LYZL4: variants seen among roughly 807,000 people sequenced by gnomAD.
LYZL4 encodes lysozyme-like protein 4.
In LYZL4, 13 loss-of-function variants were observed where a neutral mutation model predicts 17.6. The ratio of observed to expected loss-of-function variants is 0.74; its 90% CI spans 0.48 to 1.18. LYZL4 has a LOEUF of 1.18. Among genes scored for constraint, LYZL4 ranks in the 50% most tolerant of loss-of-function variants. The probability of loss-of-function intolerance (pLI) is 0.00; values close to 1 mark genes in which losing one functional copy is unlikely to be tolerated. For synonymous variants in LYZL4, 64 were observed against 67.7 expected (o/e 0.95, Z 0.27); for missense variants, 174 against 188.2 (o/e 0.92, Z 0.44).
intron 4 of LYZL4, among the ~76,000 whole-genome samples, chr3:42,403,410 C>A (rs1577154811): frequency 6.6e-6 from 1 of 152,138 alleles, no homozygotes; most frequent in East Asian, 1.9e-4. Context: ...CAGGCACACA[C>A]CACCACACCC....
chr3:42,398,462 G>C (rs1468087835), intron 4 of LYZL4, among the ~76,000 whole-genome samples: 2 of 152,106 alleles, frequency 1.3e-5, no homozygotes, highest in Non-Finnish European at 2.9e-5. Flanking sequence ...TATATGAAAG[G>C]TATTTCAAAC....
At position 42,410,481 on chromosome 3, in the gene LYZL4, A is replaced by G. The variant is rs1698842589; in HGVS notation, c.-157T>C. Reference sequence around the variant, plus strand: ...TTCCAAGGGGAGGGGAAGAACAGCCACTGCAGCAGCTTCGACGTGTGTTGC... The same window carrying G: ...TTCCAAGGGGAGGGGAAGAACAGCCGCTGCAGCAGCTTCGACGTGTGTTGC... On this transcript the variant is annotated 5_prime_UTR_variant, in exon 1 of 5. Coordinates refer to ENST00000287748, the MANE Select transcript of LYZL4 (RefSeq NM_144634.4). The G allele has an allele frequency of 6.6e-6, 1 of 152,208 alleles. No homozygotes were observed. The highest frequency in any genetic ancestry group is 2.4e-5 in the African/African-American group (1 of 41,432). The allele number at this position is 152,208 out of a possible 1,614,324, so 9.4% of individuals were successfully genotyped here. A position where few individuals can be genotyped will look rare whatever the true frequency, so the allele number is the denominator to read the frequency against.
At chr3:42,372,994 G>C in the LYZL4 span, among the ~76,000 whole-genome samples, 1 of 152,088 alleles carries the variant, frequency 6.6e-6, no homozygotes, top group East Asian at 1.9e-4. Context: ...ATCCCTTGAG[G>C]TCAGGAGTTT....
At chr3:42,361,657 G>A in the LYZL4 span, among the ~76,000 whole-genome samples, 1 of 152,026 alleles carries the variant, frequency 6.6e-6, no homozygotes, top group Admixed American at 6.6e-5. Flanking sequence ...TTGAGCCCAG[G>A]AGGTTGAAGC....
chr3:42,382,335 C>A, the LYZL4 span, among the ~76,000 whole-genome samples: 1 of 151,992 alleles, frequency 6.6e-6, no homozygotes, highest in African/African-American at 2.4e-5. Context: ...TGTGTGTGTG[C>A]GTGTAGTCTT....
chr3:42,373,572 C>G, the LYZL4 span, among the ~76,000 whole-genome samples: 168 of 152,182 alleles, frequency 1.1e-3, 1 homozygote, highest in Non-Finnish European at 2.0e-3. Flanking sequence ...TGTGCAGGTC[C>G]TTGGGGGAGA....
intron 4 of LYZL4, among the ~76,000 whole-genome samples, chr3:42,401,285 A>T (rs926640684): frequency 6.6e-6 from 1 of 151,800 alleles, no homozygotes; most frequent in African/African-American, 2.4e-5. Context: ...ATCTTAGCTC[A>T]CTGGAACCTC....
the LYZL4 span, among the ~76,000 whole-genome samples, chr3:42,388,039 C>T: frequency 2.0e-5 from 3 of 152,164 alleles, no homozygotes; most frequent in African/African-American, 2.4e-5. Flanking sequence ...AGCAGGAGAG[C>T]GATTCTCACA....
At chr3:42,374,524 C>G in the LYZL4 span, among the ~76,000 whole-genome samples, 28 of 152,184 alleles carry the variant, frequency 1.8e-4, no homozygotes, top group Admixed American at 1.3e-3. Context: ...GTCGAGGCCA[C>G]CGATATCCTG....
the LYZL4 span, among the ~76,000 whole-genome samples, chr3:42,383,348 A>C: frequency 6.6e-6 from 1 of 151,428 alleles, no homozygotes; most frequent in African/African-American, 2.4e-5. Flanking sequence ...AAGACCTGAC[A>C]TCAGTGATGC....
the LYZL4 span, among the ~76,000 whole-genome samples, chr3:42,387,799 T>C: frequency 6.6e-6 from 1 of 152,132 alleles, no homozygotes; most frequent in African/African-American, 2.4e-5. Context: ...GGTCCTCCTG[T>C]CTCCAGCCAG....
rs544353100 is a variant in LYZL4, at chr3:42,408,480, C to A, written c.-92-1137G>T. On this transcript the variant is annotated intron_variant, in intron 1 of 4. Coordinates refer to ENST00000287748, the MANE Select transcript of LYZL4 (RefSeq NM_144634.4). ...GCATCTTGAGGCCTCACCCCGGGTG[C>A]CAACTTCTTGAATCCTGATGGATCC... 5.3e-5 allele frequency among the ~76,000 whole-genome samples: 8 copies of A among 152,306 alleles called. No homozygotes were observed. The South Asian group carries it at 1.4e-3, about 28-fold the overall frequency.
the LYZL4 span, among the ~76,000 whole-genome samples, chr3:42,386,981 G>T: frequency 6.6e-6 from 1 of 152,130 alleles, no homozygotes; most frequent in African/African-American, 2.4e-5. Flanking sequence ...ATAATGAAAA[G>T]ATTTTTTTAA....
intron 4 of LYZL4, among the ~76,000 whole-genome samples, chr3:42,397,887 AAAGT>A (rs1357319127): frequency 6.6e-6 from 1 of 152,204 alleles, no homozygotes; most frequent in African/African-American, 2.4e-5. Flanking sequence ...GGTGCCTGTC[AAAGT>A]GATTCCCTTG....
At chr3:42,389,547 GC>G in the LYZL4 span, among the ~76,000 whole-genome samples, 2 of 152,214 alleles carry the variant, frequency 1.3e-5, no homozygotes, top group Non-Finnish European at 2.9e-5. Flanking sequence ...TCACAGCATA[GC>G]ACCGTAGGGT....
At chr3:42,404,494 G>C (rs1698714852) in intron 3 of LYZL4, among the ~76,000 whole-genome samples, 1 of 152,118 alleles carries the variant, frequency 6.6e-6, no homozygotes, top group Admixed American at 6.6e-5. Context: ...AACTCAGTCT[G>C]GGACTTTAAA....
chr3:42,398,759 A>G (rs1445503151), intron 4 of LYZL4, among the ~76,000 whole-genome samples: 1 of 152,198 alleles, frequency 6.6e-6, no homozygotes, highest in African/African-American at 2.4e-5. Context: ...GTTGTAATAC[A>G]TGGCTTACAA....
At chr3:42,382,584 A>C in the LYZL4 span, among the ~76,000 whole-genome samples, 1 of 151,656 alleles carries the variant, frequency 6.6e-6, no homozygotes, top group African/African-American at 2.4e-5. Context: ...TTAAATTCCC[A>C]ATTTCTCTAC....
At chr3:42,380,070 G>A in the LYZL4 span, among the ~76,000 whole-genome samples, 2 of 152,282 alleles carry the variant, frequency 1.3e-5, no homozygotes, top group Non-Finnish European at 2.9e-5. Flanking sequence ...GGCCCTCATC[G>A]GACACCACCT....
Sources: gnomAD v4.1 joint callset for allele counts (sites outside exome capture counted in the v4.1 genomes callset) on GRCh38, gnomAD v4.1.1 for gene constraint, MANE v1.5 for transcripts, NCBI Gene and HGNC (gene_info 2026-07-23, HGNC 2026-07-21) for gene names.